GPC5: variants seen among roughly 807,000 people sequenced by gnomAD.
GPC5 encodes the protein glypican 5.
A neutral mutation model predicts 53.9 loss-of-function variants in GPC5; 47 were observed. The ratio of observed to expected loss-of-function variants is 0.87; its 90% CI spans 0.69 to 1.11. The LOEUF (loss-of-function observed/expected upper bound fraction) is 1.11, where lower values mean the gene tolerates loss of function less well. GPC5 is among the 50% of genes most tolerant of loss of function. The pLI is 0.00. For synonymous variants in GPC5, 286 were observed against 263.3 expected, an observed-to-expected ratio of 1.09 and a Z score of -0.84; for missense variants, 748 against 713.1, an observed-to-expected ratio of 1.05 and a Z score of -0.56.
intron 6 of GPC5, among the ~76,000 whole-genome samples, chr13:92,114,122 G>T (rs1566440981): frequency 6.6e-6 from 1 of 152,130 alleles, no homozygotes; most frequent in African/African-American, 2.4e-5. Context: ...ATAATGGTAA[G>T]ATTTCATAAT....
intron 7 of GPC5, among the ~76,000 whole-genome samples, chr13:92,379,512 A>G (rs924777661): frequency 1.1e-4 from 16 of 152,058 alleles, no homozygotes; most frequent in Non-Finnish European, 2.4e-4. Context: ...TGTCCTCTGC[A>G]TGTTAGTTCC....
At chr13:92,046,985 C>T (rs1323290438) in intron 6 of GPC5, among the ~76,000 whole-genome samples, 54 of 152,162 alleles carry the variant, frequency 3.5e-4, no homozygotes, top group Admixed American at 3.5e-3. Flanking sequence ...ATTCTTGCCT[C>T]ATTAAATGCA....
intron 6 of GPC5, among the ~76,000 whole-genome samples, chr13:92,042,432 G>A (rs1420383374): frequency 2.6e-5 from 4 of 152,034 alleles, no homozygotes; most frequent in Non-Finnish European, 5.9e-5. Context: ...TCACCAATAA[G>A]TGGAATGTGA....
intron 7 of GPC5, among the ~76,000 whole-genome samples, chr13:92,424,007 A>G (rs1390892787): frequency 2.5e-5 from 2 of 79,212 alleles, no homozygotes; most frequent in African/African-American, 1.4e-4. Context: ...TGTAATGAGT[A>G]AAAAAAATCA....
At chr13:91,563,943 A>C (rs987242391) in intron 2 of GPC5, among the ~76,000 whole-genome samples, 2 of 152,088 alleles carry the variant, frequency 1.3e-5, no homozygotes, top group Non-Finnish European at 2.9e-5. Context: ...ACTCCTGCCT[A>C]GTGCCTCTGT....
chr13:91,996,893 A>G (rs1278868551), intron 6 of GPC5, among the ~76,000 whole-genome samples: 3 of 152,044 alleles, frequency 2.0e-5, no homozygotes, highest in Non-Finnish European at 2.9e-5. Context: ...ATGCATTTTT[A>G]TTGTTATGTA....
chr13:91,646,298 C>A (rs1000163237), intron 2 of GPC5, among the ~76,000 whole-genome samples: 46 of 151,748 alleles, frequency 3.0e-4, no homozygotes, highest in African/African-American at 1.1e-3. Flanking sequence ...GAAAAGGAAC[C>A]CTTCTTATGG....
At chr13:92,343,427 C>T (rs571678140) in intron 7 of GPC5, among the ~76,000 whole-genome samples, 1 of 152,232 alleles carries the variant, frequency 6.6e-6, no homozygotes, top group South Asian at 2.1e-4. Context: ...TTTATTTTCC[C>T]TTCCTCTGAA....
At chr13:92,680,917 C>G (rs1887092021) in intron 7 of GPC5, among the ~76,000 whole-genome samples, 1 of 152,094 alleles carries the variant, frequency 6.6e-6, no homozygotes, top group Non-Finnish European at 1.5e-5. Context: ...CATCCAACTG[C>G]TTATTTATCT....
At chr13:92,550,964 G>A (rs1291783504) in intron 7 of GPC5, among the ~76,000 whole-genome samples, 1 of 151,694 alleles carries the variant, frequency 6.6e-6, no homozygotes, top group Non-Finnish European at 1.5e-5. Context: ...TGTTTGAGTT[G>A]GACTTCCATT....
chr13:92,293,005 G>A (rs1012301398), intron 7 of GPC5, among the ~76,000 whole-genome samples: 1 of 151,882 alleles, frequency 6.6e-6, no homozygotes, highest in African/African-American at 2.4e-5. Context: ...TTGGTGGTCT[G>A]TTCTGTTTCA....
chr13:92,459,864 A>T lies in GPC5; in HGVS notation c.1561+314875A>T, dbSNP rs1019165714. On this transcript the variant is annotated intron_variant, in intron 7 of 7. Coordinates refer to ENST00000377067, the MANE Select transcript of GPC5 (RefSeq NM_004466.6). ...AATTAGCTCTAACTTTAGCTTTTTT[A>T]AAAAAGAAAAGGCATTCTTTAGAAA... 3.3e-5 allele frequency among the ~76,000 whole-genome samples: 5 copies of T among 152,160 alleles called. No individual in the cohort carries two copies. The South Asian group carries it at 6.2e-4, about 19-fold the overall frequency.
intron 7 of GPC5, among the ~76,000 whole-genome samples, chr13:92,848,891 A>T (rs117967142): frequency 6.6e-6 from 1 of 152,280 alleles, no homozygotes; most frequent in East Asian, 1.9e-4. Flanking sequence ...GGTTTGAGAG[A>T]GAATGAGTAT....
At chr13:91,434,204 A>G (rs1382210485) in intron 1 of GPC5, among the ~76,000 whole-genome samples, 1 of 152,168 alleles carries the variant, frequency 6.6e-6, no homozygotes, top group Non-Finnish European at 1.5e-5. Context: ...TCTTTAGTTT[A>G]ATTAGATCCC....
chr13:92,435,437 A>T (rs1877263244), intron 7 of GPC5, among the ~76,000 whole-genome samples: 1 of 152,232 alleles, frequency 6.6e-6, no homozygotes, highest in African/African-American at 2.4e-5. Flanking sequence ...AAAGTATTGA[A>T]TATATCAAAA....
intron 7 of GPC5, among the ~76,000 whole-genome samples, chr13:92,692,532 G>C (rs186171650): frequency 7.6e-6 from 1 of 130,760 alleles, no homozygotes; most frequent in Non-Finnish European, 1.6e-5. Context: ...GACTGTTGTG[G>C]GGTGGGGGGA....
At chr13:92,730,902 A>T (rs1179216569) in intron 7 of GPC5, among the ~76,000 whole-genome samples, 1 of 151,472 alleles carries the variant, frequency 6.6e-6, no homozygotes, top group Non-Finnish European at 1.5e-5. Flanking sequence ...GGTGAAAATT[A>T]TTACCAATTC....
rs1261792173 is a variant in GPC5, at chr13:92,381,847, G to GATATAT, written c.1561+236860_1561+236861insATATAT. ...TAATCATATATATTATATTGTATAT[G>GATATAT]ATCATATATGATTATATATATCATA... On this transcript the variant is annotated intron_variant, in intron 7 of 7. Coordinates refer to ENST00000377067, the MANE Select transcript of GPC5 (RefSeq NM_004466.6). 4.2e-5 allele frequency among the ~76,000 whole-genome samples: 5 copies of GATATAT among 119,596 alleles called. No homozygotes were observed. In the East Asian group the frequency reaches 9.7e-4, roughly 23 times the overall value. The allele number at this position is 119,596 out of a possible 152,430, so 78.5% of individuals were successfully genotyped here. A position where few individuals can be genotyped will look rare whatever the true frequency, so the allele number is the denominator to read the frequency against.
intron 2 of GPC5, among the ~76,000 whole-genome samples, chr13:91,609,193 G>A (rs536248805): frequency 6.6e-6 from 1 of 150,882 alleles, no homozygotes; most frequent in Admixed American, 6.7e-5. Context: ...AACAGGCCAT[G>A]TAATTCTGAA....
Sources: allele counts gnomAD v4.1 joint callset (sites outside exome capture counted in the v4.1 genomes callset), GRCh38; gene constraint gnomAD v4.1.1; transcripts MANE v1.5; gene names NCBI Gene and HGNC (gene_info 2026-07-23, HGNC 2026-07-21).